The following C3orf22 variants were observed in gnomAD, a reference collection of about 807,000 sequenced individuals.
C3orf22 encodes chromosome 3 open reading frame 22, also known as uncharacterized protein C3orf22.
In C3orf22, 7 loss-of-function variants were observed where a neutral mutation model predicts 10.8. The ratio of observed to expected loss-of-function variants is 0.65; its 90% CI spans 0.37 to 1.22. C3orf22 has a LOEUF of 1.22. Ranked by LOEUF, C3orf22 falls within the 50% of genes most tolerant of loss-of-function variation. The pLI is 0.02. For synonymous variants in C3orf22, 79 were observed against 78.9 expected, an observed-to-expected ratio of 1.00 and a Z score of 0.00; for missense variants, 173 against 177.0, an observed-to-expected ratio of 0.98 and a Z score of 0.13.
intron 4 of C3orf22, chr3:126,541,781 C>A: frequency 6.5e-7 from 1 of 1,535,414 alleles, no homozygotes; most frequent in Non-Finnish European, 8.8e-7. Context: ...GCGCGACCTG[C>A]TGAACAGCGC....
exon 5 of C3orf22, chr3:126,529,359 T>C: frequency 7.8e-7 from 1 of 1,289,276 alleles, no homozygotes; most frequent in Non-Finnish European, 1.0e-6. Context: ...GTCAGTGAAA[T>C]GGGGCCCACT....
chr3:126,547,362 G>A (rs1937085963), downstream of C3orf22, among the ~76,000 whole-genome samples: 1 of 152,188 alleles, frequency 6.6e-6, no homozygotes, highest in Admixed American at 6.5e-5. Flanking sequence ...CAGCTTCCTG[G>A]GGGCTCATTT....
chr3:126,556,567 G>A (rs11715375), intron 1 of C3orf22, among the ~76,000 whole-genome samples: 86,237 of 151,574 alleles, frequency 0.57, 25,813 homozygotes, highest in South Asian at 0.75. Context: ...CGCTGCAAAC[G>A]CCCCAGCCTC....
chr3:126,529,020 A>G, intron 5 of C3orf22: 1 of 346,610 alleles, frequency 2.9e-6, no homozygotes, highest in South Asian at 2.1e-5. Flanking sequence ...CTCCTCTTGC[A>G]ACACTGTAAC....
intron 3 of C3orf22, among the ~76,000 whole-genome samples, chr3:126,551,756 C>G (rs1256997547): frequency 6.6e-6 from 1 of 152,252 alleles, no homozygotes; most frequent in Non-Finnish European, 1.5e-5. Context: ...CCAACTAGGC[C>G]TAACCCCGGT....
chr3:126,533,388 A>G (rs1200588719), intron 4 of C3orf22, among the ~76,000 whole-genome samples: 1 of 152,146 alleles, frequency 6.6e-6, no homozygotes, highest in Non-Finnish European at 1.5e-5. Context: ...CAGTTTGGCA[A>G]AGTTTCCTTC....
At chr3:126,544,420 A>G (rs1363060588) in intron 4 of C3orf22, among the ~76,000 whole-genome samples, 1 of 152,232 alleles carries the variant, frequency 6.6e-6, no homozygotes, top group African/African-American at 2.4e-5. Context: ...AAAAGGGACT[A>G]AGGTACTGGG....
chr3:126,549,498 C>T (rs186362733), downstream of C3orf22: 1,892 of 545,918 alleles, frequency 3.5e-3, 11 homozygotes, highest in Non-Finnish European at 3.9e-3. Context: ...CAATCCTTTG[C>T]TGTTTCCAGC....
At chr3:126,528,710 G>A (rs1390187427) in intron 5 of C3orf22, among the ~76,000 whole-genome samples, 1 of 152,152 alleles carries the variant, frequency 6.6e-6, no homozygotes, top group Non-Finnish European at 1.5e-5. Context: ...TGGGCAGACT[G>A]GGGTTCCATT....
chr3:126,534,012 T>G (rs1318561781), intron 4 of C3orf22, among the ~76,000 whole-genome samples: 1 of 152,230 alleles, frequency 6.6e-6, no homozygotes, highest in African/African-American at 2.4e-5. Context: ...GGGCTACAAT[T>G]GTTCAGAGTT....
At chr3:126,549,595 C>A (rs1172414996), downstream of C3orf22, 6 of 1,334,298 alleles carry the variant, frequency 4.5e-6, no homozygotes, top group Non-Finnish European at 6.0e-6. Context: ...TCTTTTTAAT[C>A]CTCACACCAA....
In C3orf22 at chr3:126,541,637, C is replaced by T. The variant is rs536705182; in HGVS notation, c.286+7900G>A. The T allele has an allele frequency of 9.0e-5, 109 of 1,212,724 alleles. 2 individuals are homozygous for T. The South Asian group carries it at 1.7e-3, about 19-fold the overall frequency. The allele number at this position is 1,212,724 out of a possible 1,614,324, so 75.1% of individuals were successfully genotyped here. ...TTGGGTGCCCGGCGCAGCTCCTGCT[C>T]CCAATTCCCGGGCGCATCCCGCCGG... On this transcript the variant is annotated intron_variant and NMD_transcript_variant, in intron 4 of 5. Coordinates refer to the C3orf22 transcript ENST00000505070.
At chr3:126,534,167 G>A (rs969722245) in intron 4 of C3orf22, among the ~76,000 whole-genome samples, 13 of 152,024 alleles carry the variant, frequency 8.6e-5, no homozygotes, top group African/African-American at 1.4e-4. Flanking sequence ...TTCAAAGATC[G>A]CCTAACACCT....
intron 4 of C3orf22, among the ~76,000 whole-genome samples, chr3:126,532,538 T>C (rs1032864441): frequency 6.6e-5 from 10 of 152,362 alleles, no homozygotes; most frequent in East Asian, 1.9e-4. Context: ...CCTTTCCCCA[T>C]TGAATTGTCT....
chr3:126,541,688 C>T, intron 4 of C3orf22: 11 of 1,387,018 alleles, frequency 7.9e-6, no homozygotes, highest in Non-Finnish European at 1.0e-5. Flanking sequence ...AGGGAGCCCG[C>T]GCTGCCCTGA....
chr3:126,549,646 A>T, downstream of C3orf22: 1 of 1,505,966 alleles, frequency 6.6e-7, no homozygotes, highest in Non-Finnish European at 8.9e-7. Context: ...TTTAGAGATG[A>T]GAAAATGAAG....
At chr3:126,554,101 A>G (rs1937267542) in intron 1 of C3orf22, among the ~76,000 whole-genome samples, 1 of 151,682 alleles carries the variant, frequency 6.6e-6, no homozygotes, top group Non-Finnish European at 1.5e-5. Context: ...TGCTGCCTCA[A>G]CCTCCTGGGT....
intron 1 of C3orf22, among the ~76,000 whole-genome samples, chr3:126,557,352 T>C (rs570412166): frequency 4.1e-4 from 62 of 152,332 alleles, no homozygotes; most frequent in African/African-American, 1.4e-3. Flanking sequence ...CCTGGCATGA[T>C]TCAAAATCCG....
chr3:126,558,191 G>A (rs147344226), intron 1 of C3orf22, among the ~76,000 whole-genome samples: 5 of 152,296 alleles, frequency 3.3e-5, no homozygotes, highest in East Asian at 1.9e-4. Flanking sequence ...GATGGAGAAC[G>A]TATTATGCTC....
Sources: gnomAD v4.1 joint callset for allele counts (sites outside exome capture counted in the v4.1 genomes callset) on GRCh38, gnomAD v4.1.1 for gene constraint, MANE v1.5 for transcripts, NCBI Gene and HGNC (gene_info 2026-07-23, HGNC 2026-07-21) for gene names.